GARRE1: variants seen among roughly 807,000 people sequenced by gnomAD.
GARRE1 encodes the protein granule associated Rac and RHOG effector 1, also known as granule associated Rac and RHOG effector protein 1.
GARRE1 carries 49 observed loss-of-function variants against 103.2 expected under a neutral mutation model. The ratio of observed to expected loss-of-function variants is 0.47; its 90% CI spans 0.38 to 0.60. The LOEUF (loss-of-function observed/expected upper bound fraction) is 0.60. Ranked by LOEUF, GARRE1 falls within the 20% of genes least tolerant of loss-of-function variation. The pLI is 0.00. For missense variants in GARRE1, 1,199 were observed against 1,370.5 expected, an observed-to-expected ratio of 0.87 and a Z score of 1.98; for synonymous variants, 505 against 532.8, an observed-to-expected ratio of 0.95 and a Z score of 0.72.
chr19:34,344,451 C>T (rs1474861508), intron 10 of GARRE1, among the ~76,000 whole-genome samples: 4 of 151,434 alleles, frequency 2.6e-5, no homozygotes, highest in South Asian at 4.2e-4. Context: ...ATTAGCCGGG[C>T]GTAGTGGCGG....
intron 1 of GARRE1, among the ~76,000 whole-genome samples, chr19:34,287,632 G>T (rs2073894909): frequency 6.6e-6 from 1 of 152,124 alleles, no homozygotes; most frequent in Admixed American, 6.6e-5. Context: ...AAGTACTATA[G>T]ACTGGGTAGC....
intron 7 of GARRE1, 93 bp from the exon 8 acceptor site, chr19:34,333,610 TA>T (rs1439468909): frequency 5.1e-6 from 4 of 787,712 alleles, no homozygotes; most frequent in Non-Finnish European, 8.4e-6. Context: ...GAATAGTTCT[TA>T]GAGAGTCATT....
intron 11 of GARRE1, chr19:34,348,723 T>C (rs984904426): frequency 8.3e-6 from 3 of 359,700 alleles, no homozygotes. Flanking sequence ...CACCTAGGTA[T>C]TAAGCCCAGC....
intron 1 of GARRE1, among the ~76,000 whole-genome samples, chr19:34,263,634 C>T (rs1213918926): frequency 6.6e-6 from 1 of 151,784 alleles, no homozygotes; most frequent in African/African-American, 2.4e-5. Context: ...CCCGCCACTA[C>T]GTCTGGCTAA....
At chr19:34,305,149 C>G (rs978705109) in intron 2 of GARRE1, among the ~76,000 whole-genome samples, 5 of 152,206 alleles carry the variant, frequency 3.3e-5, no homozygotes, top group African/African-American at 1.2e-4. Context: ...CTTTACTTCT[C>G]AAAAGAAACG....
At chr19:34,293,184 G>A (rs1013376416) in intron 1 of GARRE1, among the ~76,000 whole-genome samples, 2 of 152,190 alleles carry the variant, frequency 1.3e-5, no homozygotes, top group African/African-American at 4.8e-5. Flanking sequence ...CTAAACAGTT[G>A]TAGTGTGTAT....
chr19:34,323,891 T>C (rs2074100472), intron 3 of GARRE1, among the ~76,000 whole-genome samples: 1 of 152,156 alleles, frequency 6.6e-6, no homozygotes, highest in African/African-American at 2.4e-5. Flanking sequence ...TACATTCCCT[T>C]TGCTTTCAGC....
At chr19:34,285,960 T>G (rs1040309365) in intron 1 of GARRE1, among the ~76,000 whole-genome samples, 10 of 152,222 alleles carry the variant, frequency 6.6e-5, no homozygotes, top group Non-Finnish European at 8.8e-5. Flanking sequence ...CTGTGATACT[T>G]GAGCAGTCTT....
At chr19:34,290,314 C>G (rs1381344047) in intron 1 of GARRE1, among the ~76,000 whole-genome samples, 1 of 152,056 alleles carries the variant, frequency 6.6e-6, no homozygotes, top group African/African-American at 2.4e-5. Flanking sequence ...CAAGATTGCA[C>G]CACTGTACTC....
chr19:34,268,753 G>A (rs1568523157), intron 1 of GARRE1, among the ~76,000 whole-genome samples: 1 of 152,050 alleles, frequency 6.6e-6, no homozygotes, highest in Non-Finnish European at 1.5e-5. Context: ...TTGAGTCCAG[G>A]AGTTTGAGAC....
chr19:34,344,082 A>C (rs2074199215), intron 10 of GARRE1, among the ~76,000 whole-genome samples: 1 of 152,188 alleles, frequency 6.6e-6, no homozygotes, highest in African/African-American at 2.4e-5. Context: ...TAAGCAGCAC[A>C]TCTTTTTGCT....
intron 8 of GARRE1, among the ~76,000 whole-genome samples, chr19:34,336,762 A>AC (rs1452113300): frequency 2.0e-5 from 3 of 152,182 alleles, no homozygotes; most frequent in Non-Finnish European, 2.9e-5. Flanking sequence ...GAGCCACTGC[A>AC]CCCAACCCTG....
intron 2 of GARRE1, among the ~76,000 whole-genome samples, chr19:34,301,587 A>G (rs12977034): frequency 9.6e-4 from 146 of 152,044 alleles, no homozygotes; most frequent in Admixed American, 2.1e-3. Context: ...TTGTCTTTCA[A>G]ATTTTCAAGT....
chr19:34,264,958 A>G (rs1435105647), intron 1 of GARRE1, among the ~76,000 whole-genome samples: 1 of 152,112 alleles, frequency 6.6e-6, no homozygotes, highest in African/African-American at 2.4e-5. Flanking sequence ...GCCTAGATAG[A>G]ATATTGCTTT....
intron 6 of GARRE1, among the ~76,000 whole-genome samples, chr19:34,329,263 A>C (rs192267322): frequency 3.5e-4 from 53 of 152,354 alleles, no homozygotes; most frequent in African/African-American, 1.3e-3. Context: ...ACACCTGACT[A>C]CTTGGTCATC....
chr19:34,294,182 G>C (rs958807251), intron 1 of GARRE1, among the ~76,000 whole-genome samples: 1 of 151,966 alleles, frequency 6.6e-6, no homozygotes, highest in Non-Finnish European at 1.5e-5. Context: ...CACTTTTAGA[G>C]GCCAAGGTAG....
chr19:34,312,654 C>T (rs1416485576), intron 2 of GARRE1, among the ~76,000 whole-genome samples: 2 of 152,108 alleles, frequency 1.3e-5, no homozygotes, highest in Admixed American at 6.6e-5. Context: ...TGGCCGGGCG[C>T]GGTGGCTCAT....
intron 1 of GARRE1, among the ~76,000 whole-genome samples, chr19:34,292,158 G>T (rs909607438): frequency 2.0e-5 from 3 of 152,086 alleles, no homozygotes; most frequent in African/African-American, 7.2e-5. Context: ...CACCGCACCC[G>T]CCCAGATCTA....
At chr19:34,344,681 CTTT>C (rs558304695) in intron 10 of GARRE1, among the ~76,000 whole-genome samples, 18 of 150,264 alleles carry the variant, frequency 1.2e-4, no homozygotes, top group African/African-American at 4.1e-4. Context: ...ACTCCTTTCT[CTTT>C]TTTTTTGAGA....
Sources: allele counts gnomAD v4.1 joint callset (sites outside exome capture counted in the v4.1 genomes callset), GRCh38; gene constraint gnomAD v4.1.1; transcripts MANE v1.5; gene names NCBI Gene and HGNC (gene_info 2026-07-23, HGNC 2026-07-21).